KCNMB4: variants seen among roughly 807,000 people sequenced by gnomAD.
KCNMB4 encodes the protein calcium-activated potassium channel subunit beta-4.
KCNMB4 carries 3 observed loss-of-function variants against 20.7 expected under a neutral mutation model. The observed-to-expected ratio is 0.14, with a 90% CI of 0.07 to 0.37. The LOEUF is 0.37. Among genes scored for constraint, KCNMB4 ranks in the 10% least tolerant of loss-of-function variants. The probability of loss-of-function intolerance (pLI) is 1.00; values close to 1 mark genes in which losing one functional copy is unlikely to be tolerated. For missense variants in KCNMB4, 168 were observed against 265.9 expected, an observed-to-expected ratio of 0.63 and a Z score of 2.56; for synonymous variants, 110 against 113.4, an observed-to-expected ratio of 0.97 and a Z score of 0.19.
intron 1 of KCNMB4, 142 bp from the exon 2 acceptor site, chr12:70,400,067 A>G: frequency 1.7e-6 from 1 of 579,806 alleles, no homozygotes; most frequent in Non-Finnish European, 2.8e-6. Flanking sequence ...ATAGTTTAGT[A>G]ATTTCAATTT....
chr12:70,410,080 CCT>C (rs1491184104), intron 2 of KCNMB4, among the ~76,000 whole-genome samples: 2 of 152,196 alleles, frequency 1.3e-5, no homozygotes, highest in African/African-American at 4.8e-5. Context: ...GACACCTTCA[CCT>C]TTTTTACTTC....
intron 2 of KCNMB4, among the ~76,000 whole-genome samples, chr12:70,425,537 T>A (rs1453607825): frequency 6.6e-6 from 1 of 152,216 alleles, no homozygotes; most frequent in African/African-American, 2.4e-5. Flanking sequence ...ACCTATGACA[T>A]AGGCACCTCT....
chr12:70,404,443 C>G (rs1312713309), intron 2 of KCNMB4, among the ~76,000 whole-genome samples: 1 of 152,146 alleles, frequency 6.6e-6, no homozygotes, highest in Non-Finnish European at 1.5e-5. Context: ...TACTAAATCT[C>G]TAAATACTAG....
intron 1 of KCNMB4, among the ~76,000 whole-genome samples, chr12:70,369,463 T>G (rs1883552653): frequency 6.6e-6 from 1 of 152,216 alleles, no homozygotes; most frequent in Admixed American, 6.5e-5. Flanking sequence ...CTTTACCTCT[T>G]TATTGAAGGC....
chr12:70,368,594 T>A (rs1188769279), intron 1 of KCNMB4, among the ~76,000 whole-genome samples: 1 of 152,164 alleles, frequency 6.6e-6, no homozygotes, highest in Non-Finnish European at 1.5e-5. Flanking sequence ...GAAACATTTT[T>A]TTTTTTAGAA....
At chr12:70,424,904 G>C (rs143523604) in intron 2 of KCNMB4, among the ~76,000 whole-genome samples, 3 of 152,124 alleles carry the variant, frequency 2.0e-5, no homozygotes, top group African/African-American at 7.2e-5. Context: ...AAGGTCTTAC[G>C]ATTGCCTCAA....
At chr12:70,371,786 A>G (rs1465580697) in intron 1 of KCNMB4, among the ~76,000 whole-genome samples, 1 of 152,260 alleles carries the variant, frequency 6.6e-6, no homozygotes, top group Non-Finnish European at 1.5e-5. Flanking sequence ...CTATGTGTGC[A>G]TTCAGGTGCT....
intron 2 of KCNMB4, among the ~76,000 whole-genome samples, chr12:70,414,898 G>A (rs1032071624): frequency 1.3e-5 from 2 of 151,942 alleles, no homozygotes; most frequent in African/African-American, 4.8e-5. Context: ...CTTGATTATG[G>A]TACCCATCAT....
intron 2 of KCNMB4, chr12:70,422,994 A>G (rs1294522868): frequency 3.2e-6 from 1 of 312,520 alleles, no homozygotes; most frequent in East Asian, 1.1e-4. Flanking sequence ...TCAGTAGGAA[A>G]ACATTTGCCA....
At chr12:70,380,339 A>G (rs1001086616) in intron 1 of KCNMB4, among the ~76,000 whole-genome samples, 1 of 152,194 alleles carries the variant, frequency 6.6e-6, no homozygotes, top group Non-Finnish European at 1.5e-5. Context: ...TAATAGTAAC[A>G]TCAAAGATTA....
chr12:70,424,898 T>A (rs1869168899), intron 2 of KCNMB4, among the ~76,000 whole-genome samples: 1 of 152,168 alleles, frequency 6.6e-6, no homozygotes, highest in Non-Finnish European at 1.5e-5. Context: ...CTTGGCAAGG[T>A]CTTACGATTG....
At chr12:70,370,620 T>C (rs1883575983) in intron 1 of KCNMB4, among the ~76,000 whole-genome samples, 1 of 152,088 alleles carries the variant, frequency 6.6e-6, no homozygotes, top group East Asian at 1.9e-4. Flanking sequence ...TGCTACTGAA[T>C]TTAGGGAGTC....
intron 1 of KCNMB4, among the ~76,000 whole-genome samples, chr12:70,367,999 A>G (rs1883525896): frequency 6.6e-6 from 1 of 152,148 alleles, no homozygotes; most frequent in African/African-American, 2.4e-5. Flanking sequence ...CCTGTGAACT[A>G]ATTGAGCTTT....
chr12:70,395,303 T>G (rs1203043101), intron 1 of KCNMB4, among the ~76,000 whole-genome samples: 1 of 152,146 alleles, frequency 6.6e-6, no homozygotes, highest in Non-Finnish European at 1.5e-5. Flanking sequence ...CATTTCTGTT[T>G]CTTAGATAAT....
intron 2 of KCNMB4, among the ~76,000 whole-genome samples, chr12:70,403,607 G>A (rs1174160105): frequency 2.0e-5 from 3 of 152,120 alleles, no homozygotes; most frequent in African/African-American, 7.2e-5. Context: ...ATTACAGGCG[G>A]GAGCCTCTGT....
At chr12:70,416,294 T>C (rs1440921289) in intron 2 of KCNMB4, among the ~76,000 whole-genome samples, 1 of 152,214 alleles carries the variant, frequency 6.6e-6, no homozygotes, top group Non-Finnish European at 1.5e-5. Flanking sequence ...GGGACATTAA[T>C]GCTAGTATCA....
intron 2 of KCNMB4, among the ~76,000 whole-genome samples, chr12:70,423,522 C>G (rs576787758): frequency 2.0e-5 from 3 of 151,804 alleles, no homozygotes; most frequent in African/African-American, 7.3e-5. Context: ...GGCTGGAATG[C>G]CGTGGTGCAA....
At position 70,430,758 on chromosome 12, in the gene KCNMB4, G is replaced by A. The variant is rs763374987; in HGVS notation, c.*105G>A. 21 of 1,146,250 alleles carry A rather than the reference G, an allele frequency of 1.8e-5. No individual in the cohort carries two copies. Among genetic ancestry groups the A allele is most frequent in the South Asian group, 7.1e-5 (4 of 56,190 alleles). 71.0% of individuals were successfully genotyped at this position (1,146,250 alleles called of 1,614,324 possible). ...TGGCGCAGGAGATGGACAGGGCCAC[G>A]ACAGGGCTCTGAGAGGCTCATCCCT... On this transcript the variant is annotated 3_prime_UTR_variant, in exon 3 of 3. Coordinates refer to ENST00000258111, the MANE Select transcript of KCNMB4 (RefSeq NM_014505.6).
chr12:70,371,978 C>T (rs992208948), intron 1 of KCNMB4, among the ~76,000 whole-genome samples: 5 of 152,136 alleles, frequency 3.3e-5, no homozygotes, highest in Non-Finnish European at 7.4e-5. Flanking sequence ...TTCTTTTGGA[C>T]AGGGTGGTCA....
Sources: gnomAD v4.1 joint callset for allele counts (sites outside exome capture counted in the v4.1 genomes callset) on GRCh38, gnomAD v4.1.1 for gene constraint, MANE v1.5 for transcripts, NCBI Gene and HGNC (gene_info 2026-07-23, HGNC 2026-07-21) for gene names.